The following TMEM63A variants were observed in gnomAD, a reference collection of about 807,000 sequenced individuals.
TMEM63A encodes transmembrane protein 63A, also known as mechanosensitive cation channel TMEM63A.
In TMEM63A, 76 loss-of-function variants were observed where a neutral mutation model predicts 100.6. The ratio of observed to expected loss-of-function variants is 0.76; its 90% CI spans 0.63 to 0.91. The LOEUF (loss-of-function observed/expected upper bound fraction) is 0.91. Among genes scored for constraint, TMEM63A ranks in the 40% least tolerant of loss-of-function variants. The pLI is 0.00. For synonymous variants in TMEM63A, 401 were observed against 401.1 expected (o/e 1.00, Z 0.00); for missense variants, 876 against 1,008.8 (o/e 0.87, Z 1.78).
At chr1:225,847,007 CT>C (rs1387256383) in intron 24 of TMEM63A, 26 bp downstream of exon 24, 1 of 1,589,174 alleles carries the variant, frequency 6.3e-7, no homozygotes, top group African/African-American at 1.3e-5. Context: ...ACAGGCTCCC[CT>C]GAGCCTGGCC....
chr1:225,850,226 C>T lies in TMEM63A; in HGVS notation c.1904-147G>A, dbSNP rs181534760. 5.8e-5 allele frequency: 50 copies of T among 860,708 alleles called. No homozygotes were observed. In the Middle Eastern group the frequency reaches 1.0e-3, roughly 17 times the overall value. 53.3% of individuals were successfully genotyped at this position (860,708 alleles called of 1,614,324 possible). A position where few individuals can be genotyped will look rare whatever the true frequency, so the allele number is the denominator to read the frequency against. On this transcript the variant is annotated intron_variant, in intron 20 of 24. Coordinates refer to ENST00000366835, the MANE Select transcript of TMEM63A (RefSeq NM_014698.3). ...TGAACACAAAATGAGGCATCCTGCACCTCTGGCTACTAGTTTTTTTTCACT... is the reference window on the plus strand; with the variant it reads ...TGAACACAAAATGAGGCATCCTGCATCTCTGGCTACTAGTTTTTTTTCACT...
intron 5 of TMEM63A, 130 bp from the exon 6 acceptor site, chr1:225,871,243 T>C: frequency 1.1e-6 from 1 of 928,010 alleles, no homozygotes; most frequent in Non-Finnish European, 1.7e-6. Context: ...TTATCCCATA[T>C]TCAGCAAGCA....
intron 14 of TMEM63A, 25 bp downstream of exon 14, chr1:225,860,835 A>G: frequency 1.3e-6 from 2 of 1,579,282 alleles, no homozygotes; most frequent in East Asian, 2.3e-5. Flanking sequence ...CCTCTCTCCC[A>G]CCTCTCCTTG....
At chr1:225,856,887 G>C in intron 16 of TMEM63A, 24 bp downstream of exon 16, 1 of 1,606,170 alleles carries the variant, frequency 6.2e-7, no homozygotes, top group South Asian at 1.1e-5. Context: ...TAGGGGCAGG[G>C]CCTCGGGGCT....
intron 8 of TMEM63A, 157 bp from the exon 9 acceptor site, chr1:225,866,839 T>G: frequency 1.4e-6 from 1 of 718,828 alleles, no homozygotes; most frequent in Non-Finnish European, 2.4e-6. Flanking sequence ...CCAGCACCCC[T>G]CAGCCCACAG....
chr1:225,840,908 AAGTC>A (rs926542900), downstream of TMEM63A: 1 of 152,234 alleles, frequency 6.6e-6, no homozygotes, highest in African/African-American at 2.4e-5. Flanking sequence ...CACTTTATAA[AAGTC>A]AGCATTTTTC....
chr1:225,878,881 TACCTACAC>T (rs1433710021), intron 2 of TMEM63A, among the ~76,000 whole-genome samples: 25 of 89,062 alleles, frequency 2.8e-4, no homozygotes, highest in Admixed American at 4.1e-4. Flanking sequence ...CCTACCTACC[TACCTACAC>T]ACACACACAC....
In TMEM63A at chr1:225,848,397, T is replaced by C. The variant is rs1271371120; in HGVS notation, c.2250+95A>G. 7 of 1,304,392 alleles carry C rather than the reference T, an allele frequency of 5.4e-6. No homozygotes were observed. The African/African-American group carries it at 1.0e-4, about 19-fold the overall frequency. The allele number at this position is 1,304,392 out of a possible 1,614,324, so 80.8% of individuals were successfully genotyped here. On this transcript the variant is annotated intron_variant, in intron 23 of 24. Transcript: ENST00000366835. ...CCTGCCATGTGATCTTAGCAAGAGA[T>C]GATCAAAGATTTGCCGGGGCCCATC...
chr1:225,844,361 A>G (rs1298190884), downstream of TMEM63A: 5 of 1,359,908 alleles, frequency 3.7e-6, no homozygotes, highest in African/African-American at 1.4e-5. Flanking sequence ...TGACACGAGG[A>G]TACCACACAC....
chr1:225,867,202 G>A lies in TMEM63A; in HGVS notation c.515-39C>T. 6.2e-7 allele frequency: 1 copy of A among 1,610,100 alleles called. No individual in the cohort carries two copies. ...CAGATACTTAGTTCCAGGGTCATGTGGGGAAGCAGGAGGGGGCGTAACCAA... is the reference window on the plus strand; with the variant it reads ...CAGATACTTAGTTCCAGGGTCATGTAGGGAAGCAGGAGGGGGCGTAACCAA... On this transcript the variant is annotated intron_variant, in intron 7 of 24. Coordinates refer to ENST00000366835, the MANE Select transcript of TMEM63A (RefSeq NM_014698.3). The surrounding 1 kb of genome is among the most constrained non-coding windows in gnomAD (Gnocchi z 4.6).
chr1:225,860,368 C>T (rs1669877185), intron 14 of TMEM63A: 1 of 152,804 alleles, frequency 6.5e-6, no homozygotes, highest in African/African-American at 2.4e-5. Flanking sequence ...TAAGGCTGCA[C>T]AAGCTGCATG....
intron 19 of TMEM63A, 129 bp from the exon 20 acceptor site, chr1:225,852,898 C>T (rs989179917): frequency 4.0e-5 from 30 of 757,198 alleles, no homozygotes; most frequent in Non-Finnish European, 5.8e-5. Flanking sequence ...TGGCTCCCCG[C>T]CTCCCAAGGT....
At chr1:225,844,371 C>A, downstream of TMEM63A, 1 of 1,431,246 alleles carries the variant, frequency 7.0e-7, no homozygotes, top group Non-Finnish European at 9.8e-7. Flanking sequence ...ATACCACACA[C>A]GTTGCATGAG....
intron 15 of TMEM63A, among the ~76,000 whole-genome samples, chr1:225,857,614 C>A (rs984838117): frequency 1.0e-4 from 15 of 150,344 alleles, no homozygotes; most frequent in Admixed American, 1.3e-4. Flanking sequence ...AAAAAAAAAA[C>A]AAAACGCTGT....
intron 23 of TMEM63A, chr1:225,848,187 C>G (rs1419149134): frequency 1.5e-5 from 6 of 395,158 alleles, no homozygotes; most frequent in Non-Finnish European, 2.7e-5. Flanking sequence ...TACCATGTGC[C>G]TTCACTAAAG....
intron 1 of TMEM63A, among the ~76,000 whole-genome samples, chr1:225,881,239 C>T (rs962339852): frequency 3.3e-5 from 5 of 152,186 alleles, no homozygotes; most frequent in African/African-American, 1.2e-4. Context: ...GTCTCAGCAC[C>T]ACGCAGTTCA....
At chr1:225,849,092 C>A in intron 21 of TMEM63A, 80 bp from the exon 22 acceptor site, 1 of 1,140,194 alleles carries the variant, frequency 8.8e-7, no homozygotes, top group East Asian at 2.6e-5. Flanking sequence ...GAAGGGGCCG[C>A]ACCTGGTGTG....
chr1:225,879,710 C>T (rs1256489232), intron 1 of TMEM63A, among the ~76,000 whole-genome samples: 2 of 152,168 alleles, frequency 1.3e-5, no homozygotes, highest in East Asian at 3.9e-4. Flanking sequence ...GGGAGCAGCC[C>T]TCTCCCACAG....
chr1:225,879,979 C>A (rs1671007883), intron 1 of TMEM63A, among the ~76,000 whole-genome samples: 1 of 99,618 alleles, frequency 1.0e-5, no homozygotes, highest in Non-Finnish European at 2.6e-5. Flanking sequence ...CATACCCTCG[C>A]CAGTGCTGCA....
Sources: gnomAD v4.1 joint callset for allele counts (sites outside exome capture counted in the v4.1 genomes callset) on GRCh38, gnomAD v4.1.1 for gene constraint, Gnocchi (gnomAD v3.1) non-coding constraint, MANE v1.5 for transcripts, NCBI Gene and HGNC (gene_info 2026-07-23, HGNC 2026-07-21) for gene names.